Variants in NMT1 observed in about 807,000 individuals in gnomAD.
NMT1 encodes the protein glycylpeptide N-tetradecanoyltransferase 1.
A neutral mutation model predicts 63.4 loss-of-function variants in NMT1; 12 were observed. That is an observed-to-expected ratio of 0.19 (90% CI 0.12 to 0.31). The LOEUF is 0.31. Among genes scored for constraint, NMT1 ranks in the 10% least tolerant of loss-of-function variants. NMT1 has a pLI of 1.00. For missense variants in NMT1, 432 were observed against 634.6 expected, an observed-to-expected ratio of 0.68 and a Z score of 3.43; for synonymous variants, 228 against 234.3, an observed-to-expected ratio of 0.97 and a Z score of 0.25.
In NMT1 at chr17:45,103,503, T is replaced by G. The variant is rs532380304; in HGVS notation, c.1165-206T>G. Among the ~76,000 whole-genome samples the G allele has an allele frequency of 1.8e-4, 27 of 152,148 alleles. No homozygotes were observed. Among genetic ancestry groups the G allele is most frequent in the Non-Finnish European group, 3.4e-4 (23 of 68,040 alleles). On this transcript the variant is annotated intron_variant, in intron 9 of 11. Coordinates refer to ENST00000258960, the MANE Select transcript of NMT1 (RefSeq NM_021079.5). This position sits in a 1 kb window ranked among gnomAD's most constrained non-coding sequence, Gnocchi z 4.8. The stretch of plus-strand genomic sequence containing the variant: ...CGGTGCCCATGCTGGGAAAGAGGTC[T>G]GGCAGGTTCAGCCCACGATCACGGC...
At chr17:45,095,109 T>G (rs1331203106) in intron 4 of NMT1, among the ~76,000 whole-genome samples, 1 of 62,520 alleles carries the variant, frequency 1.6e-5, no homozygotes, top group Non-Finnish European at 2.8e-5. Flanking sequence ...CTGCGCCCAG[T>G]CTTTTTTTTT....
At chr17:45,069,600 T>C (rs2143455757) in intron 1 of NMT1, among the ~76,000 whole-genome samples, 1 of 152,226 alleles carries the variant, frequency 6.6e-6, no homozygotes, top group East Asian at 1.9e-4. Context: ...AGCTAGACTT[T>C]AGTTTTTATA....
At chr17:45,061,841 A>G in intron 1 of NMT1, 1 of 162,722 alleles carries the variant, frequency 6.1e-6, no homozygotes, top group East Asian at 1.8e-4. Context: ...CGTGACTAGC[A>G]ATAAACGAAT....
At position 45,107,002 on chromosome 17, in the gene NMT1, C is replaced by G. The variant is rs1283125289; in HGVS notation, c.*1363C>G. 1 of 152,218 alleles carries G rather than the reference C, an allele frequency of 6.6e-6. No homozygotes were observed. Among genetic ancestry groups the G allele is most frequent in the Non-Finnish European group, 1.5e-5 (1 of 68,052 alleles). 9.4% of individuals were successfully genotyped at this position (152,218 alleles called of 1,614,324 possible). On this transcript the variant is annotated 3_prime_UTR_variant, in exon 12 of 12. Coordinates refer to ENST00000258960, the MANE Select transcript of NMT1 (RefSeq NM_021079.5). Reference sequence around the variant, plus strand: ...AAATTGGGCTGTGAAATTGTACTTCCAGGCTTGGATGTAATTTTTGCTCTA... The same window carrying G: ...AAATTGGGCTGTGAAATTGTACTTCGAGGCTTGGATGTAATTTTTGCTCTA...
At chr17:45,065,012 G>A (rs1035027407) in intron 1 of NMT1, among the ~76,000 whole-genome samples, 1 of 152,068 alleles carries the variant, frequency 6.6e-6, no homozygotes, top group East Asian at 1.9e-4. Context: ...ATACTGTATT[G>A]TAGCTTTTAT....
chr17:45,105,510 C>A lies in NMT1; in HGVS notation c.1471-109C>A, dbSNP rs2054196918. Reference sequence around the variant, plus strand: ...TGGGTGTGAGTCTGCTCCCACAGCACAGGCGGTGGACCCGGGCCCAGCCAC... The same window carrying A: ...TGGGTGTGAGTCTGCTCCCACAGCAAAGGCGGTGGACCCGGGCCCAGCCAC... On this transcript the variant is annotated intron_variant, in intron 11 of 11. Coordinates refer to ENST00000258960, the MANE Select transcript of NMT1 (RefSeq NM_021079.5). The surrounding 1 kb of genome is among the most constrained non-coding windows in gnomAD (Gnocchi z 4.2). 6 of 1,204,248 alleles carry A rather than the reference C, an allele frequency of 5.0e-6. 1 individual carries two copies. In the South Asian group the frequency reaches 7.4e-5, roughly 15 times the overall value. The allele number at this position is 1,204,248 out of a possible 1,614,324, so 74.6% of individuals were successfully genotyped here. A position where few individuals can be genotyped will look rare whatever the true frequency, so the allele number is the denominator to read the frequency against.
At chr17:45,088,520 C>T (rs958118053) in intron 3 of NMT1, among the ~76,000 whole-genome samples, 2 of 152,098 alleles carry the variant, frequency 1.3e-5, no homozygotes, top group South Asian at 2.1e-4. Context: ...TTTGGGAGGT[C>T]GAGGCAGGCG....
chr17:45,077,023 C>T (rs1331780748), intron 1 of NMT1, among the ~76,000 whole-genome samples: 1 of 152,128 alleles, frequency 6.6e-6, no homozygotes, highest in East Asian at 1.9e-4. Flanking sequence ...GGAAGTATCT[C>T]CGCTAAATAG....
At chr17:45,102,126 T>G (rs950830719) in intron 8 of NMT1, among the ~76,000 whole-genome samples, 3 of 152,158 alleles carry the variant, frequency 2.0e-5, no homozygotes, top group Non-Finnish European at 2.9e-5. Flanking sequence ...AGCAAGGAAT[T>G]TTAGAGGCTG....
intron 1 of NMT1, among the ~76,000 whole-genome samples, chr17:45,076,014 G>A (rs1389764598): frequency 6.6e-6 from 1 of 152,194 alleles, no homozygotes; most frequent in Non-Finnish European, 1.5e-5. Flanking sequence ...AGGCTGCAGT[G>A]AGCCAAGATT....
intron 8 of NMT1, among the ~76,000 whole-genome samples, chr17:45,100,978 G>A (rs1360474981): frequency 1.4e-5 from 2 of 147,074 alleles, no homozygotes; most frequent in African/African-American, 2.5e-5. Context: ...TCAGGAGATC[G>A]AGACCATCCT....
At position 45,105,831 on chromosome 17, in the gene NMT1, C is replaced by T. The variant is rs923189525; in HGVS notation, c.*192C>T. ...GGCGTGGGCTGCGTGACGTCACCTC[C>T]GGTCGTGTCTCTGGTCTCCGTGTTT... On this transcript the variant is annotated 3_prime_UTR_variant, in exon 12 of 12. Transcript: ENST00000258960. This position sits in a 1 kb window ranked among gnomAD's most constrained non-coding sequence, Gnocchi z 4.2. The T allele has an allele frequency of 4.0e-5, 23 of 568,976 alleles. No homozygotes were observed. Among genetic ancestry groups the T allele is most frequent in the South Asian group, 1.6e-4 (7 of 44,772 alleles). 35.2% of individuals were successfully genotyped at this position (568,976 alleles called of 1,614,324 possible). A position where few individuals can be genotyped will look rare whatever the true frequency, so the allele number is the denominator to read the frequency against.
chr17:45,065,105 C>T (rs2053893294), intron 1 of NMT1, among the ~76,000 whole-genome samples: 1 of 152,084 alleles, frequency 6.6e-6, no homozygotes, highest in Non-Finnish European at 1.5e-5. Flanking sequence ...TCTCATCTGA[C>T]AGTAAGGAGC....
At position 45,103,084 on chromosome 17, in the gene NMT1, A is replaced by G. The variant is rs1567872739; in HGVS notation, c.1127A>G (p.Tyr376Cys). The G allele has an allele frequency of 1.2e-6, 2 of 1,613,470 alleles. No individual in the cohort carries two copies. The highest frequency in any genetic ancestry group is 1.7e-6 in the Non-Finnish European group (2 of 1,179,682). Residue 376 changes from tyrosine (Y) to cysteine (C), a missense_variant, in exon 9 of 12, where the codon TAC becomes TGC. Transcript: ENST00000258960. The surrounding 1 kb of genome is among the most constrained non-coding windows in gnomAD (Gnocchi z 4.8). ...MSQEEVEHWF[Y>C]PQENIIDTFV... ...CAGGAGGAGGTGGAGCACTGGTTCT[A>G]CCCCCAGGAGAATATCATCGACACT...
intron 1 of NMT1, among the ~76,000 whole-genome samples, chr17:45,077,332 A>G (rs186082782): frequency 3.1e-4 from 47 of 152,294 alleles, no homozygotes; most frequent in Non-Finnish European, 4.6e-4. Flanking sequence ...ATAAGAATTT[A>G]TATTATAAAT....
intron 2 of NMT1, among the ~76,000 whole-genome samples, chr17:45,082,655 GTCT>G: frequency 6.6e-6 from 1 of 152,304 alleles, no homozygotes; most frequent in Middle Eastern, 3.4e-3. Flanking sequence ...GGTAAGTGTT[GTCT>G]TCTTCAAAGT....
chr17:45,064,494 G>C (rs974640768), intron 1 of NMT1, among the ~76,000 whole-genome samples: 4 of 152,186 alleles, frequency 2.6e-5, no homozygotes, highest in African/African-American at 9.7e-5. Flanking sequence ...ATGCAGCACG[G>C]CACAGTAGAA....
chr17:45,106,486 G>C lies in NMT1; in HGVS notation c.*847G>C, dbSNP rs180906761. ...AACCTTATAGGGATGAGTCCCCTGT[G>C]AGATTTTGCTTTTCCACTGCCTGGG... On this transcript the variant is annotated 3_prime_UTR_variant, in exon 12 of 12. Transcript: ENST00000258960. The C allele has an allele frequency of 3.5e-4, 53 of 152,750 alleles. No individual in the cohort carries two copies. Among genetic ancestry groups the C allele is most frequent in the Admixed American group, 3.2e-3 (49 of 15,304 alleles). The allele number at this position is 152,750 out of a possible 1,614,324, so 9.5% of individuals were successfully genotyped here.
At chr17:45,100,963 C>T (rs1254948502) in intron 8 of NMT1, among the ~76,000 whole-genome samples, 2 of 146,962 alleles carry the variant, frequency 1.4e-5, no homozygotes, top group South Asian at 2.2e-4. Flanking sequence ...GAGTGGATCA[C>T]GAGGTCAGGA....
Sources: gnomAD v4.1 joint callset for allele counts (sites outside exome capture counted in the v4.1 genomes callset) on GRCh38, gnomAD v4.1.1 for gene constraint, Gnocchi (gnomAD v3.1) non-coding constraint, MANE v1.5 for transcripts, NCBI Gene and HGNC (gene_info 2026-07-23, HGNC 2026-07-21) for gene names.